The following MSANTD1 variants were observed in gnomAD, a reference collection of about 807,000 sequenced individuals.
MSANTD1 encodes the protein Myb/SANT DNA binding domain containing 1.
Under a neutral mutation model 24.2 loss-of-function variants are expected in MSANTD1, and 7 were observed. The ratio of observed to expected loss-of-function variants is 0.29; its 90% CI spans 0.16 to 0.54. MSANTD1 has a LOEUF of 0.54. MSANTD1 is among the 20% of genes least tolerant of loss of function. MSANTD1 has a pLI of 0.94. For missense variants in MSANTD1, 384 were observed against 408.2 expected, an observed-to-expected ratio of 0.94 and a Z score of 0.51; for synonymous variants, 177 against 181.1, an observed-to-expected ratio of 0.98 and a Z score of 0.18.
chr4:3,254,891 G>C (rs1722339210), intron 2 of MSANTD1, among the ~76,000 whole-genome samples: 1 of 152,176 alleles, frequency 6.6e-6, no homozygotes. Flanking sequence ...CTTCCTTCTG[G>C]GACCTCAGTT....
chr4:3,246,378 C>G (rs993031151), upstream of MSANTD1, among the ~76,000 whole-genome samples: 1 of 152,232 alleles, frequency 6.6e-6, no homozygotes, highest in Non-Finnish European at 1.5e-5. Context: ...TTGGTCAGTC[C>G]CCATGTCCTG....
In MSANTD1 at chr4:3,250,202, G is replaced by C. The variant is rs117032303; in HGVS notation, c.320+660G>C. On this transcript the variant is annotated intron_variant, in intron 1 of 2. Coordinates refer to ENST00000438480, the MANE Select transcript of MSANTD1 (RefSeq NM_001042690.2). ...TGGGGCTTACGGTGCGAAGAAGAAA[G>C]AGGTGGAGGCCTGCCCTGGCCCAGG... 1.1e-4 allele frequency among the ~76,000 whole-genome samples: 17 copies of C among 152,350 alleles called. No individual in the cohort carries two copies. In the East Asian group the frequency reaches 3.1e-3, roughly 28 times the overall value.
chr4:3,252,735 G>A (rs1722263982), intron 1 of MSANTD1, among the ~76,000 whole-genome samples: 1 of 152,190 alleles, frequency 6.6e-6, no homozygotes, highest in African/African-American at 2.4e-5. Context: ...GTCGCTCCCT[G>A]AGGCATTCTC....
chr4:3,253,230 G>A lies in MSANTD1; in HGVS notation c.344G>A (p.Ser115Asn), dbSNP rs763497171. The A allele has an allele frequency of 6.4e-7, 1 of 1,570,498 alleles. No individual in the cohort carries two copies. The highest frequency in any genetic ancestry group is 8.7e-7 in the Non-Finnish European group (1 of 1,153,506). ...QYRKLKCMTDSESAPPDWPYY... is the reference protein window; with the variant it reads ...QYRKLKCMTDNESAPPDWPYY... The stretch of plus-strand genomic sequence containing the variant: ...AGGAAATTAAAATGCATGACAGATA[G>A]CGAGTCCGCCCCGCCCGACTGGCCC... Residue 115 changes from serine to asparagine, a missense_variant, in exon 2 of 3, where the codon AGC (serine) becomes AAC (asparagine). Transcript: ENST00000438480.
chr4:3,247,880 C>T (rs1722080780), upstream of MSANTD1: 1 of 152,318 alleles, frequency 6.6e-6, no homozygotes, highest in African/African-American at 2.4e-5. Context: ...CTCGGTCCCA[C>T]CTCCAAGGTG....
chr4:3,249,329 A>G lies in MSANTD1; in HGVS notation c.107A>G (p.Gln36Arg), dbSNP rs766024388. 7.0e-5 allele frequency: 108 copies of G among 1,551,258 alleles called. 1 individual carries two copies. Among genetic ancestry groups the G allele is most frequent in the Non-Finnish European group, 9.2e-5 (106 of 1,146,430 alleles). ...AEGPGYLVSP[Q>R]AEKHRRARNW... ...GGGCCCGGCTACCTCGTGTCTCCCCAGGCGGAGAAGCACCGGCGGGCCCGC... is the reference window on the plus strand; with the variant it reads ...GGGCCCGGCTACCTCGTGTCTCCCCGGGCGGAGAAGCACCGGCGGGCCCGC... Residue 36 changes from glutamine (Q) to arginine (R), a missense_variant, in exon 1 of 3, where the codon CAG becomes CGG. Physicochemically the swap from Gln to Arg is conservative, Grantham distance 43. Transcript: ENST00000438480.
chr4:3,253,745 A>G (rs1257240239), intron 2 of MSANTD1, among the ~76,000 whole-genome samples: 2 of 152,152 alleles, frequency 1.3e-5, no homozygotes, highest in African/African-American at 4.8e-5. Context: ...TCTCCCTCCT[A>G]TAAAATGGGG....
intron 1 of MSANTD1, among the ~76,000 whole-genome samples, chr4:3,251,697 T>C (rs1722235192): frequency 6.6e-6 from 1 of 151,296 alleles, no homozygotes; most frequent in Non-Finnish European, 1.5e-5. Flanking sequence ...CTTTTTCTTT[T>C]TTTTTTTTTT....
intron 1 of MSANTD1, among the ~76,000 whole-genome samples, chr4:3,250,471 C>G (rs990256761): frequency 6.6e-6 from 1 of 152,274 alleles, no homozygotes; most frequent in Non-Finnish European, 1.5e-5. Flanking sequence ...AGGTCTCAGG[C>G]ACAGGCAAGG....
chr4:3,245,693 C>A (rs565378109), upstream of MSANTD1, among the ~76,000 whole-genome samples: 2 of 152,212 alleles, frequency 1.3e-5, no homozygotes, highest in Non-Finnish European at 2.9e-5. Flanking sequence ...ATGTGGACAT[C>A]GCTTGCGGGT....
At position 3,249,434 on chromosome 4, in the gene MSANTD1, A is replaced by G. The variant is rs1299679275; in HGVS notation, c.212A>G (p.Asn71Ser). 1.9e-6 allele frequency: 3 copies of G among 1,609,870 alleles called. No homozygotes were observed. ...GACGAGCTCAAGCAGACCAAGCGCA[A>G]CGCCAAGGTGTACGAGAAGATGGCC... ...FFDELKQTKR[N>S]AKVYEKMASK... Residue 71 changes from asparagine (N) to serine (S), a missense_variant, in exon 1 of 3, where the codon AAC (asparagine) becomes AGC (serine). Coordinates refer to ENST00000438480, the MANE Select transcript of MSANTD1 (RefSeq NM_001042690.2).
Position 3,255,650 on chromosome 4 carries a change from G to A in MSANTD1, c.597-75G>A, listed in dbSNP as rs560638908. ...TCCCCATTTGCCCAGTAGGATTGTC[G>A]GGAGGGTCCGGTGAGGCCCCTGGTG... On this transcript the variant is annotated intron_variant, in intron 2 of 2. Coordinates refer to ENST00000438480, the MANE Select transcript of MSANTD1 (RefSeq NM_001042690.2). 2.3e-4 allele frequency: 333 copies of A among 1,434,152 alleles called. No individual in the cohort carries two copies. The African/African-American group carries it at 3.5e-3, about 15-fold the overall frequency. 88.8% of individuals were successfully genotyped at this position (1,434,152 alleles called of 1,614,324 possible).
upstream of MSANTD1, chr4:3,248,936 C>T (rs780835704): frequency 2.8e-4 from 94 of 338,142 alleles, no homozygotes; most frequent in Non-Finnish European, 4.4e-4. Context: ...GGGGCCGATC[C>T]GCCTGGGCGG....
upstream of MSANTD1, chr4:3,246,568 T>C: frequency 7.9e-6 from 5 of 636,320 alleles, no homozygotes; most frequent in Non-Finnish European, 1.1e-5. Flanking sequence ...TGCCGAGGCC[T>C]GACCTGCCCC....
chr4:3,255,779 G>A lies in MSANTD1; in HGVS notation c.651G>A (p.Lys217=). The change falls in exon 3 of 3, where the codon AAG becomes AAA. Residue 217 remains lysine, a synonymous_variant. Coordinates refer to ENST00000438480, the MANE Select transcript of MSANTD1 (RefSeq NM_001042690.2). ...AGGTGCAGAGCTGCCACCTGCAGAAGAAGCAGCTGCGGCTGCTGGAGGCCA... is the reference window on the plus strand; with the variant it reads ...AGGTGCAGAGCTGCCACCTGCAGAAAAAGCAGCTGCGGCTGCTGGAGGCCA... ...KRKVQSCHLQ[K]KQLRLLEAMV... is the part of the protein sequence containing the mutation. 5 of 1,547,090 alleles carry A rather than the reference G, an allele frequency of 3.2e-6. No homozygotes were observed. The highest frequency in any genetic ancestry group is 3.5e-6 in the Non-Finnish European group (4 of 1,146,648).
In MSANTD1 at chr4:3,253,372, G is replaced by A. The variant is rs758241025; in HGVS notation, c.486G>A (p.Pro162=). 22 of 1,610,848 alleles carry A rather than the reference G, an allele frequency of 1.4e-5. 1 individual carries two copies. The highest frequency in any genetic ancestry group is 1.0e-4 in the South Asian group (9 of 90,178). ...STSQTEASLS[P]PAKSTPLYFP... Reference sequence around the variant, plus strand: ...CCCAGACCGAGGCGTCCCTGTCGCCGCCCGCTAAGTCCACCCCTCTGTACT... The same window carrying A: ...CCCAGACCGAGGCGTCCCTGTCGCCACCCGCTAAGTCCACCCCTCTGTACT... Residue 162 remains proline (P), a synonymous_variant, in exon 2 of 3, where the codon CCG becomes CCA. Coordinates refer to ENST00000438480, the MANE Select transcript of MSANTD1 (RefSeq NM_001042690.2).
rs1373754108 is a variant in MSANTD1 at position 3,255,963 on chromosome 4, TAGG to T, written c.836_*1del. On this transcript the variant is annotated stop_lost and 3_prime_UTR_variant, in exon 3 of 3. Coordinates refer to ENST00000438480, the MANE Select transcript of MSANTD1 (RefSeq NM_001042690.2). ...GAGGATCATCACCAAGTCCAGCGTC[TAGG>T]CCAGCAGGCGGCGGCGGCGGCGGGG... The T allele has an allele frequency of 2.6e-6, 4 of 1,526,828 alleles. No individual in the cohort carries two copies. In the East Asian group the frequency reaches 7.4e-5, roughly 28 times the overall value. The allele number at this position is 1,526,828 out of a possible 1,614,324, so 94.6% of individuals were successfully genotyped here.
At chr4:3,245,500 C>T (rs951082441), upstream of MSANTD1, 10 of 152,308 alleles carry the variant, frequency 6.6e-5, no homozygotes, top group African/African-American at 1.7e-4. Context: ...CACAGCCAAC[C>T]GAGGACAGAG....
rs935008099 is a variant in MSANTD1, at chr4:3,256,391, C to T, written c.*426C>T. On this transcript the variant is annotated 3_prime_UTR_variant, in exon 3 of 3. Coordinates refer to ENST00000438480, the MANE Select transcript of MSANTD1 (RefSeq NM_001042690.2). ...TCCCGAAAATGAAAGCAGATGGAAA[C>T]GGGTTGGGGCAGGCTGGAGCTGGGG... 8 of 153,710 alleles carry T rather than the reference C, an allele frequency of 5.2e-5. No homozygotes were observed. The highest frequency in any genetic ancestry group is 1.9e-4 in the East Asian group (1 of 5,216). The allele number at this position is 153,710 out of a possible 1,614,324, so 9.5% of individuals were successfully genotyped here. A position where few individuals can be genotyped will look rare whatever the true frequency, so the allele number is the denominator to read the frequency against.
Sources: allele counts gnomAD v4.1 joint callset (sites outside exome capture counted in the v4.1 genomes callset), GRCh38; gene constraint gnomAD v4.1.1; transcripts MANE v1.5; gene names NCBI Gene and HGNC (gene_info 2026-07-23, HGNC 2026-07-21).